CRTC2: variants seen among roughly 807,000 people sequenced by gnomAD.
The protein encoded by CRTC2 is CREB regulated transcription coactivator 2.
CRTC2 carries 25 observed loss-of-function variants against 70.9 expected under a neutral mutation model. The ratio of observed to expected loss-of-function variants is 0.35; its 90% CI spans 0.26 to 0.49. The LOEUF (loss-of-function observed/expected upper bound fraction) is 0.49, where lower values mean the gene tolerates loss of function less well. CRTC2 is among the 20% of genes least tolerant of loss of function. The pLI, the probability that CRTC2 is intolerant of heterozygous loss-of-function variation, is 0.98. For synonymous variants in CRTC2, 330 were observed against 364.1 expected (o/e 0.91, Z 1.07); for missense variants, 737 against 882.6 (o/e 0.83, Z 2.09).
chr1:153,948,067 G>A lies in CRTC2; in HGVS notation c.*42C>T. Reference sequence around the variant, plus strand: ...GGGGGAAGGGAGGAAAGGAATGGTGGTGGGGGATGGGGCCAAGAAGAGGGA... The same window carrying A: ...GGGGGAAGGGAGGAAAGGAATGGTGATGGGGGATGGGGCCAAGAAGAGGGA... On this transcript the variant is annotated 3_prime_UTR_variant, in exon 14 of 14. Transcript: ENST00000368633. 3 of 1,583,326 alleles carry A rather than the reference G, an allele frequency of 1.9e-6. No individual in the cohort carries two copies. The highest frequency in any genetic ancestry group is 2.2e-5 in the South Asian group (2 of 90,120).
intron 1 of CRTC2, among the ~76,000 whole-genome samples, chr1:153,956,629 C>T (rs958980468): frequency 6.6e-6 from 1 of 152,116 alleles, no homozygotes; most frequent in African/African-American, 2.4e-5. Context: ...CTTGAGGTCT[C>T]ATATATGGCA....
chr1:153,957,950 G>A (rs1049789880), intron 1 of CRTC2: 1 of 849,930 alleles, frequency 1.2e-6, no homozygotes, highest in Non-Finnish European at 1.5e-6. Flanking sequence ...CAAACTCAGA[G>A]GAGCCAGGTT....
At position 153,958,457 on chromosome 1, in the gene CRTC2, G is replaced by A. The variant is rs747934488; in HGVS notation, c.41C>T (p.Ala14Val). The A allele has an allele frequency of 6.2e-7, 1 of 1,613,268 alleles. No homozygotes were observed. Among genetic ancestry groups the A allele is most frequent in the East Asian group, 2.2e-5 (1 of 44,872 alleles). ...SGANGPGSAT[A>V]SASNPRKFSE... is the part of the protein sequence containing the mutation. ...AAATTTGCGCGGATTGGAAGCCGAG[G>A]CCGTGGCCGAACCAGGCCCGTTCGC... is the stretch of plus-strand genomic sequence containing the variant. The change falls in exon 1 of 14, where the codon GCC becomes GTC. Residue 14 changes from alanine to valine, a missense_variant. Ala to Val is a moderately conservative substitution (Grantham distance 64). Around this residue, in one of 3 missense-constraint regions of CRTC2, gnomAD observed 29 missense variants for 25.5 expected, o/e 1.14. Transcript: ENST00000368633.
intron 12 of CRTC2, 104 bp downstream of exon 12, chr1:153,949,011 C>A: frequency 8.0e-7 from 1 of 1,248,578 alleles, no homozygotes; most frequent in East Asian, 2.4e-5. Flanking sequence ...CCACCCACCC[C>A]ACCTAGATCT....
chr1:153,949,421 G>T, intron 11 of CRTC2, 37 bp from the exon 12 acceptor site: 1 of 1,544,430 alleles, frequency 6.5e-7, no homozygotes, highest in Non-Finnish European at 8.7e-7. Context: ...TTACTGCTCA[G>T]TGTATACCCC....
Position 153,948,197 on chromosome 1 carries a change from A to G in CRTC2, c.1994T>C (p.Leu665Pro). The G allele has an allele frequency of 6.2e-7, 1 of 1,614,242 alleles. No individual in the cohort carries two copies. Among genetic ancestry groups the G allele is most frequent in the Non-Finnish European group, 8.5e-7 (1 of 1,180,030 alleles). Residue 665 changes from leucine to proline, a missense_variant, in exon 14 of 14, where the codon CTG (leucine) becomes CCG (proline). Leu to Pro is a moderately conservative substitution (Grantham distance 98). This residue lies in a region of CRTC2 where 699 missense variants were observed against 823.7 expected (regional missense o/e 0.85). Transcript: ENST00000368633. Reference protein sequence around the residue: ...EDELRMEPLGLEGLNMLSDPC... With the variant: ...EDELRMEPLGPEGLNMLSDPC... ...GTCACTCAGCATGTTTAGCCCTTCC[A>G]GGCCCAGTGGCTCCATGCGCAGCTC...
At chr1:153,954,214 C>A in intron 4 of CRTC2, 41 bp downstream of exon 4, 4 of 1,521,880 alleles carry the variant, frequency 2.6e-6, no homozygotes, top group Non-Finnish European at 3.6e-6. Flanking sequence ...AGAAACACGT[C>A]AGAGAGTAGG....
In CRTC2 at chr1:153,951,355, A is replaced by C; in HGVS notation, c.1309T>G (p.Leu437Val). The C allele has an allele frequency of 6.2e-7, 1 of 1,613,460 alleles. No individual in the cohort carries two copies. The highest frequency in any genetic ancestry group is 1.7e-5 in the Admixed American group (1 of 59,878). The change falls in exon 11 of 14, where the codon TTG becomes GTG. Residue 437 changes from leucine (L) to valine (V), a missense_variant. Around this residue, in one of 3 missense-constraint regions of CRTC2, gnomAD observed 699 missense variants for 823.7 expected, o/e 0.85. Coordinates refer to ENST00000368633, the MANE Select transcript of CRTC2 (RefSeq NM_181715.3). Reference sequence around the variant, plus strand: ...CTGGCGTCGGCTGGGCCCGCGAGCAAACTCAGGGGGCTGAGGGGCACACGG... The same window carrying C: ...CTGGCGTCGGCTGGGCCCGCGAGCACACTCAGGGGGCTGAGGGGCACACGG... ...HRRVPLSPLS[L>V]LAGPADARRS...
intron 1 of CRTC2, among the ~76,000 whole-genome samples, chr1:153,956,351 G>A (rs920002048): frequency 6.6e-6 from 1 of 152,236 alleles, no homozygotes; most frequent in African/African-American, 2.4e-5. Context: ...TGGCATAGGC[G>A]TAAGACAGCC....
intron 12 of CRTC2, 48 bp from the exon 13 acceptor site, chr1:153,948,692 G>A (rs780105317): frequency 1.3e-5 from 21 of 1,558,348 alleles, no homozygotes; most frequent in Middle Eastern, 1.7e-4. Flanking sequence ...TAGAACTGGT[G>A]TCCTGCCTAG....
intron 3 of CRTC2, 114 bp downstream of exon 3, chr1:153,954,759 G>T: frequency 1.1e-6 from 1 of 915,490 alleles, no homozygotes; most frequent in Non-Finnish European, 1.7e-6. Flanking sequence ...GCTGGGTAAA[G>T]AAGAGCTCCA....
At chr1:153,952,486 C>T (rs1680384194) in intron 8 of CRTC2, 40 bp from the exon 9 acceptor site, 1 of 1,613,418 alleles carries the variant, frequency 6.2e-7, no homozygotes. Context: ...GAGGACAGTG[C>T]TCAGCAGAGA....
chr1:153,952,087 A>G lies in CRTC2; in HGVS notation c.928T>C (p.Leu310=). The G allele has an allele frequency of 6.2e-7, 1 of 1,613,920 alleles. No homozygotes were observed. The highest frequency in any genetic ancestry group is 2.2e-5 in the East Asian group (1 of 44,860). Residue 310 remains leucine (L), a synonymous_variant, in exon 10 of 14, where the codon TTG becomes CTG. Coordinates refer to ENST00000368633, the MANE Select transcript of CRTC2 (RefSeq NM_181715.3). The part of the protein sequence containing the change: ...SLSGGNSTSN[L]THTMTHLGIS... ...CCCAGGTGAGTCATGGTGTGGGTCA[A>G]ATTGGAGGTACTGTTGCCCCCACTC...
chr1:153,955,270 G>A lies in CRTC2; in HGVS notation c.154-104C>T, dbSNP rs551409876. ...ACCAGGATATGCTGCTGCCGCCACT[G>A]CTTTTAAAATATCTAGGCCAGGCAC... On this transcript the variant is annotated intron_variant, in intron 1 of 13. Coordinates refer to ENST00000368633, the MANE Select transcript of CRTC2 (RefSeq NM_181715.3). 19 of 870,040 alleles carry A rather than the reference G, an allele frequency of 2.2e-5. No individual in the cohort carries two copies. The African/African-American group carries it at 2.8e-4, about 13-fold the overall frequency. 53.9% of individuals were successfully genotyped at this position (870,040 alleles called of 1,614,324 possible). A position where few individuals can be genotyped will look rare whatever the true frequency, so the allele number is the denominator to read the frequency against.
chr1:153,958,240 C>T, intron 1 of CRTC2, 105 bp downstream of exon 1: 1 of 1,499,390 alleles, frequency 6.7e-7, no homozygotes, highest in South Asian at 1.3e-5. Context: ...GCGTCCCCTG[C>T]TCTGTTCCGC....
At chr1:153,952,756 C>T in intron 7 of CRTC2, 49 bp downstream of exon 7, 1 of 1,613,350 alleles carries the variant, frequency 6.2e-7, no homozygotes. Context: ...CCAACACCAG[C>T]CCAGAAATTC....
Position 153,951,611 on chromosome 1 carries a change from G to T in CRTC2, c.1053C>A (p.Asn351Lys). The change falls in exon 11 of 14, where the codon AAC (asparagine) becomes AAA (lysine). Residue 351 changes from asparagine (N) to lysine (K), a missense_variant. Asn to Lys is a moderately conservative substitution (Grantham distance 94). Coordinates refer to ENST00000368633, the MANE Select transcript of CRTC2 (RefSeq NM_181715.3). ...GAGGACTGCTCAGGGAAGCCTGGAG[G>T]TTGGGATTGCTTAGGGAGGACTGCA... ...PSLQSSLSNP[N>K]LQASLSSPQP... The T allele has an allele frequency of 1.9e-6, 3 of 1,613,716 alleles. No homozygotes were observed. The highest frequency in any genetic ancestry group is 2.5e-6 in the Non-Finnish European group (3 of 1,179,852).
rs756761053 is a variant in CRTC2 at position 153,958,536 on chromosome 1, A to AGCCGCGGCCTCC, written c.-51_-40dup. ...CCCTCCCTGCCACCCTCCCAGTACCAGCCGCGGCCTCCGCCGCGGCCTCGG... is the reference window on the plus strand; with the variant it reads ...CCCTCCCTGCCACCCTCCCAGTACCAGCCGCGGCCTCCGCCGCGGCCTCCGCCGCGGCCTCGG... On this transcript the variant is annotated 5_prime_UTR_variant, in exon 1 of 14. Coordinates refer to ENST00000368633, the MANE Select transcript of CRTC2 (RefSeq NM_181715.3). 6.5e-6 allele frequency: 10 copies of AGCCGCGGCCTCC among 1,548,186 alleles called. No homozygotes were observed. The highest frequency in any genetic ancestry group is 2.0e-5 in the Admixed American group (1 of 51,116).
At chr1:153,951,217 A>G in intron 11 of CRTC2, 43 bp downstream of exon 11, 2 of 1,601,148 alleles carry the variant, frequency 1.2e-6, no homozygotes. Flanking sequence ...GGCAGGAGAA[A>G]AGGGAAGGGA....
Sources: gnomAD v4.1 joint callset for allele counts (sites outside exome capture counted in the v4.1 genomes callset) on GRCh38, gnomAD v4.1.1 for gene constraint, gnomAD v4.1.1 regional missense constraint, MANE v1.5 for transcripts, NCBI Gene and HGNC (gene_info 2026-07-23, HGNC 2026-07-21) for gene names.